The following APTX variants were observed in gnomAD, a reference collection of about 807,000 sequenced individuals.
APTX encodes aprataxin.
A neutral mutation model predicts 42.3 loss-of-function variants in APTX; 33 were observed. The ratio of observed to expected loss-of-function variants is 0.78; its 90% CI spans 0.59 to 1.04. The LOEUF is 1.04. Among genes scored for constraint, APTX ranks in the 50% least tolerant of loss-of-function variants. The pLI is 0.00. For synonymous variants in APTX, 130 were observed against 146.7 expected, an observed-to-expected ratio of 0.89 and a Z score of 0.82; for missense variants, 421 against 415.1, an observed-to-expected ratio of 1.01 and a Z score of -0.12.
intron 1 of APTX, among the ~76,000 whole-genome samples, chr9:33,006,999 C>CAAAAAAAAAAAAAAAAAAAAAAAAAAAA (rs55924566): frequency 1.4e-4 from 7 of 49,458 alleles, no homozygotes; most frequent in South Asian, 8.9e-4. Flanking sequence ...GACTCTGTCT[C>CAAAAAAAAAAAAAAAAAAAAAAAAAAAA]AAAAAAAAAA....
intron 1 of APTX, among the ~76,000 whole-genome samples, chr9:33,007,541 T>C (rs1325232991): frequency 6.6e-6 from 1 of 152,208 alleles, no homozygotes; most frequent in Non-Finnish European, 1.5e-5. Context: ...CAGCATCAAC[T>C]GGACAAGACA....
intron 1 of APTX, among the ~76,000 whole-genome samples, chr9:32,999,546 C>T (rs544812057): frequency 2.6e-5 from 4 of 152,266 alleles, no homozygotes; most frequent in Admixed American, 1.3e-4. Context: ...AAAGAAACTG[C>T]TCTGATTAGA....
In APTX at chr9:32,996,097, T is replaced by C. The variant is rs113181613; in HGVS notation, c.-5+5470A>G. On this transcript the variant is annotated intron_variant, in intron 1 of 7. Transcript: ENST00000379817. The stretch of plus-strand genomic sequence containing the variant: ...CATTGTTTGTTCAGCCATAATGCTA[T>C]TGCACACTTAACAGACTACAGTATA... 4.3e-3 allele frequency among the ~76,000 whole-genome samples: 649 copies of C among 152,246 alleles called. 3 individuals carry two copies. Among genetic ancestry groups the C allele is most frequent in the African/African-American group, 0.015 (620 of 41,552 alleles).
chr9:32,973,368 AGAATAAATTTGT>A lies in APTX; in HGVS notation c.*118_*129del, dbSNP rs770903946. ...CTCTACATTGTGGCCACTCAATAAT[AGAATAAATTTGT>A]GAAAAAGCTGCATGTTTTAATTTAG... On this transcript the variant is annotated 3_prime_UTR_variant, in exon 8 of 8. Transcript: ENST00000379817. 9.0e-6 allele frequency: 10 copies of A among 1,106,164 alleles called. No homozygotes were observed. The highest frequency in any genetic ancestry group is 1.5e-5 in the African/African-American group (1 of 64,832). 68.5% of individuals were successfully genotyped at this position (1,106,164 alleles called of 1,614,324 possible). A position where few individuals can be genotyped will look rare whatever the true frequency, so the allele number is the denominator to read the frequency against.
intron 1 of APTX, among the ~76,000 whole-genome samples, chr9:33,015,725 C>T (rs1837850903): frequency 6.6e-6 from 1 of 152,204 alleles, no homozygotes; most frequent in Non-Finnish European, 1.5e-5. Flanking sequence ...AAGGTTGCTG[C>T]CACATGCATG....
intron 1 of APTX, among the ~76,000 whole-genome samples, chr9:33,011,789 C>T (rs1837562040): frequency 6.6e-6 from 1 of 152,182 alleles, no homozygotes; most frequent in Admixed American, 6.5e-5. Flanking sequence ...TTTCAGTCTA[C>T]TGAGGACAGC....
At chr9:33,019,075 G>C (rs1300829282) in intron 1 of APTX, among the ~76,000 whole-genome samples, 1 of 152,150 alleles carries the variant, frequency 6.6e-6, no homozygotes, top group African/African-American at 2.4e-5. Flanking sequence ...TAATAATAAT[G>C]TATCAACGTT....
At chr9:32,992,181 T>C (rs1833806225) in intron 1 of APTX, among the ~76,000 whole-genome samples, 1 of 152,150 alleles carries the variant, frequency 6.6e-6, no homozygotes, top group Non-Finnish European at 1.5e-5. Flanking sequence ...AACCTGCCTA[T>C]AGTCAAGGCA....
chr9:33,002,438 GTTA>G (rs1836720357), upstream of APTX, among the ~76,000 whole-genome samples: 1 of 152,132 alleles, frequency 6.6e-6, no homozygotes, highest in South Asian at 2.1e-4. Flanking sequence ...GCCTTATGTG[GTTA>G]TTCTCAATAT....
intron 1 of APTX, 23 bp downstream of exon 1, chr9:33,001,544 A>AT: frequency 6.2e-7 from 1 of 1,613,658 alleles, no homozygotes; most frequent in South Asian, 1.1e-5. Context: ...CCAGCAGAAG[A>AT]GATAGGCTGA....
At chr9:33,008,341 TTCTGTAAATATAAC>T (rs1353963263) in intron 1 of APTX, among the ~76,000 whole-genome samples, 1 of 151,922 alleles carries the variant, frequency 6.6e-6, no homozygotes, top group African/African-American at 2.4e-5. Context: ...TTGAGCATAT[TTCTGTAAATATAAC>T]CTTTATGATA....
chr9:32,998,576 T>C (rs1312867927), intron 1 of APTX, among the ~76,000 whole-genome samples: 1 of 152,142 alleles, frequency 6.6e-6, no homozygotes, highest in African/African-American at 2.4e-5. Context: ...TGCAGGGACA[T>C]GGATGAAGCT....
At chr9:32,999,772 A>G (rs1014110485) in intron 1 of APTX, among the ~76,000 whole-genome samples, 1 of 151,998 alleles carries the variant, frequency 6.6e-6, no homozygotes, top group Admixed American at 6.6e-5. Flanking sequence ...TCAGGAGATC[A>G]AGACCATCCT....
In APTX at chr9:33,019,876, G is replaced by A. The variant is rs548542045; in HGVS notation, c.-5+5147C>T. 54 of 610,370 alleles carry A rather than the reference G, an allele frequency of 8.8e-5. No homozygotes were observed. In the East Asian group the frequency reaches 1.1e-3, roughly 12 times the overall value. 37.8% of individuals were successfully genotyped at this position (610,370 alleles called of 1,614,324 possible). A position where few individuals can be genotyped will look rare whatever the true frequency, so the allele number is the denominator to read the frequency against. On this transcript the variant is annotated intron_variant, in intron 1 of 6. Coordinates refer to the APTX transcript ENST00000436040. ...TCCCAACCACCCTTTGGTGGGGTTC[G>A]GCATCTGGAGCCAGGGACCCATGGG...
chr9:32,989,590 C>G, intron 2 of APTX, 169 bp downstream of exon 2: 1 of 1,014,100 alleles, frequency 9.9e-7, no homozygotes, highest in South Asian at 1.3e-5. Flanking sequence ...ATTGGGAGGG[C>G]AGAATCAGGA....
Position 32,991,156 on chromosome 9 carries a change from C to T in APTX, c.-4-1261G>A, listed in dbSNP as rs749756254. Reference sequence around the variant, plus strand: ...GGTCAGTCTGGTCTCGACCTCCTGGCCTCAGGTGATCCGCCTGCCTCGGCC... The same window carrying T: ...GGTCAGTCTGGTCTCGACCTCCTGGTCTCAGGTGATCCGCCTGCCTCGGCC... On this transcript the variant is annotated intron_variant, in intron 1 of 7. Coordinates refer to ENST00000379817, the MANE Select transcript of APTX (RefSeq NM_001195248.2). Among the ~76,000 whole-genome samples the T allele has an allele frequency of 2.6e-5, 4 of 152,232 alleles. No homozygotes were observed. In the South Asian group the frequency reaches 6.2e-4, roughly 24 times the overall value.
intron 1 of APTX, among the ~76,000 whole-genome samples, chr9:33,010,248 G>C (rs1266202641): frequency 6.6e-6 from 1 of 152,164 alleles, no homozygotes; most frequent in South Asian, 2.1e-4. Flanking sequence ...CATGGCTATA[G>C]GAGCCCACAC....
chr9:33,014,970 A>G (rs1016030797), intron 1 of APTX, among the ~76,000 whole-genome samples: 1 of 152,246 alleles, frequency 6.6e-6, no homozygotes, highest in African/African-American at 2.4e-5. Context: ...TTCAGATACC[A>G]TGAATTGTGG....
At chr9:32,995,462 G>T (rs1046202235) in intron 1 of APTX, among the ~76,000 whole-genome samples, 7 of 152,202 alleles carry the variant, frequency 4.6e-5, no homozygotes, top group African/African-American at 1.7e-4. Context: ...AGAACCTGAA[G>T]ATGTGACTGA....
Sources: gnomAD v4.1 joint callset for allele counts (sites outside exome capture counted in the v4.1 genomes callset) on GRCh38, gnomAD v4.1.1 for gene constraint, MANE v1.5 for transcripts, NCBI Gene and HGNC (gene_info 2026-07-23, HGNC 2026-07-21) for gene names.